WRNIP1: variants seen among roughly 807,000 people sequenced by gnomAD.
WRNIP1 encodes the protein ATPase WRNIP1.
A neutral mutation model predicts 56.1 loss-of-function variants in WRNIP1; 41 were observed. The ratio of observed to expected loss-of-function variants is 0.73; its 90% CI spans 0.57 to 0.95. WRNIP1 has a LOEUF of 0.95. Among genes scored for constraint, WRNIP1 ranks in the 40% least tolerant of loss-of-function variants. The pLI, the probability that WRNIP1 is intolerant of heterozygous loss-of-function variation, is 0.00. For missense variants in WRNIP1, 1,170 were observed against 939.4 expected, an observed-to-expected ratio of 1.25 and a Z score of -3.21; for synonymous variants, 547 against 398.1, an observed-to-expected ratio of 1.37 and a Z score of -4.45.
At chr6:2,776,573 A>C (rs768639321) in intron 3 of WRNIP1, among the ~76,000 whole-genome samples, 21 of 152,244 alleles carry the variant, frequency 1.4e-4, no homozygotes, top group Non-Finnish European at 2.1e-4. Flanking sequence ...AGCCAAAGGA[A>C]GACCTTATTT....
At chr6:2,767,019 C>A (rs1478800885) in intron 1 of WRNIP1, among the ~76,000 whole-genome samples, 3 of 152,120 alleles carry the variant, frequency 2.0e-5, no homozygotes, top group African/African-American at 7.2e-5. Flanking sequence ...CATGTATTTA[C>A]AAAACTAACA....
chr6:2,774,683 C>G (rs1178004094), intron 3 of WRNIP1, among the ~76,000 whole-genome samples: 1 of 152,208 alleles, frequency 6.6e-6, no homozygotes. Flanking sequence ...CCACTACAGA[C>G]CCCTACCAAG....
At chr6:2,784,045 T>G (rs1416592453) in intron 5 of WRNIP1, among the ~76,000 whole-genome samples, 1 of 152,232 alleles carries the variant, frequency 6.6e-6, no homozygotes, top group Non-Finnish European at 1.5e-5. Flanking sequence ...CTCCATAGCC[T>G]TCACTTCTTA....
At chr6:2,776,246 G>C (rs555639602) in intron 3 of WRNIP1, among the ~76,000 whole-genome samples, 27 of 152,224 alleles carry the variant, frequency 1.8e-4, no homozygotes, top group African/African-American at 5.3e-4. Context: ...AAGATATATT[G>C]GGTGTTTAAG....
At position 2,785,206 on chromosome 6, in the gene WRNIP1, A is replaced by G. The variant is rs1021962756; in HGVS notation, c.1922A>G (p.Tyr641Cys). Residue 641 changes from tyrosine (Y) to cysteine (C), a missense_variant, in exon 7 of 7, where the codon TAC becomes TGC. By Grantham distance (194) the Tyr-to-Cys change is radical. Coordinates refer to ENST00000380773, the MANE Select transcript of WRNIP1 (RefSeq NM_020135.3). ...AAAGGCTACAAGTACAACCCCATGT[A>G]CAGCGAGCCTGTGGATCAGGAGTAC... ...YGKGYKYNPM[Y>C]SEPVDQEYLP... is the part of the protein sequence containing the mutation. 3 of 1,614,214 alleles carry G rather than the reference A, an allele frequency of 1.9e-6. No homozygotes were observed. Among genetic ancestry groups the G allele is most frequent in the Non-Finnish European group, 2.5e-6 (3 of 1,180,040 alleles).
At chr6:2,778,321 A>AT (rs1337452717) in intron 3 of WRNIP1, among the ~76,000 whole-genome samples, 1 of 152,098 alleles carries the variant, frequency 6.6e-6, no homozygotes, top group Non-Finnish European at 1.5e-5. Flanking sequence ...GAAAAATTTT[A>AT]TTTTTTTGCT....
intron 3 of WRNIP1, chr6:2,772,851 T>A (rs1581136267): frequency 9.7e-6 from 6 of 619,064 alleles, no homozygotes; most frequent in Non-Finnish European, 1.2e-5. Context: ...TCTATATACA[T>A]CCTTGTGCAT....
In WRNIP1 at chr6:2,766,435, C is replaced by G. The variant is rs762720674; in HGVS notation, c.813C>G (p.Gly271=). 13 of 1,563,698 alleles carry G rather than the reference C, an allele frequency of 8.3e-6. No homozygotes were observed. The highest frequency in any genetic ancestry group is 3.4e-4 in the Middle Eastern group (2 of 5,914). ...IPSLILWGPP[G]CGKTTLAHII... is the part of the protein sequence containing the mutation. ...CGCTTATCCTGTGGGGGCCGCCGGG[C>G]TGCGGCAAGGTGAGTGCGGCCTTGG... Residue 271 remains glycine (G), a synonymous_variant, in exon 1 of 7, where the codon GGC becomes GGG. Coordinates refer to ENST00000380773, the MANE Select transcript of WRNIP1 (RefSeq NM_020135.3).
At chr6:2,779,575 G>C in intron 4 of WRNIP1, 83 bp downstream of exon 4, 8 of 1,403,746 alleles carry the variant, frequency 5.7e-6, no homozygotes, top group Non-Finnish European at 7.8e-6. Context: ...GCCTGACTGG[G>C]TTCCGGAAGC....
chr6:2,770,061 G>C, intron 2 of WRNIP1, 59 bp from the exon 3 acceptor site: 1 of 1,606,400 alleles, frequency 6.2e-7, no homozygotes, highest in South Asian at 1.1e-5. Flanking sequence ...AACTTACATA[G>C]GATTCTGCAG....
chr6:2,779,182 AAGTATGAGTTT>A, intron 3 of WRNIP1, 70 bp from the exon 4 acceptor site: 1 of 1,415,556 alleles, frequency 7.1e-7, no homozygotes, highest in Non-Finnish European at 9.9e-7. Flanking sequence ...CCTTGCTGAG[AAGTATGAGTTT>A]CTAAGACATG....
In WRNIP1 at chr6:2,783,574, G is replaced by C; in HGVS notation, c.1642+13G>C. 1 of 1,581,360 alleles carries C rather than the reference G, an allele frequency of 6.3e-7. No individual in the cohort carries two copies. ...AGCGAGGACATAGGTGAGTGTGATG[G>C]GAGGGTCCCGGAGTCCTATGTCCAT... On this transcript the variant is annotated intron_variant, in intron 5 of 6. Transcript: ENST00000380773.
In WRNIP1 at chr6:2,786,751, G is replaced by A. The variant is rs565660832; in HGVS notation, c.*1469G>A. On this transcript the variant is annotated 3_prime_UTR_variant, in exon 7 of 7. Coordinates refer to ENST00000380773, the MANE Select transcript of WRNIP1 (RefSeq NM_020135.3). The stretch of plus-strand genomic sequence containing the variant: ...TTGTCAAGTTTGAAGGCATCCTGAT[G>A]TGTGTGGTCTTTTGTTTGTAACCTC... 2 of 152,330 alleles carry A rather than the reference G, an allele frequency of 1.3e-5. No individual in the cohort carries two copies. The highest frequency in any genetic ancestry group is 4.8e-5 in the African/African-American group (2 of 41,584). The allele number at this position is 152,330 out of a possible 1,614,324, so 9.4% of individuals were successfully genotyped here. A position where few individuals can be genotyped will look rare whatever the true frequency, so the allele number is the denominator to read the frequency against.
In WRNIP1 at chr6:2,771,915, C is replaced by T. The variant is rs538699973; in HGVS notation, c.1256+1554C>T. On this transcript the variant is annotated intron_variant, in intron 3 of 6. Transcript: ENST00000380773. ...ACTGGTTATCGTAATGTATCTGCAA[C>T]TTAATATTCTGCATGTGTACTTGTC... Among the ~76,000 whole-genome samples the T allele has an allele frequency of 3.3e-5, 5 of 152,300 alleles. No homozygotes were observed. The South Asian group carries it at 6.2e-4, about 19-fold the overall frequency.
chr6:2,774,324 A>G (rs1765383366), intron 3 of WRNIP1: 1 of 969,614 alleles, frequency 1.0e-6, no homozygotes, highest in Non-Finnish European at 1.2e-6. Context: ...CTCAGAACAC[A>G]GAGCTTTATC....
intron 2 of WRNIP1, 126 bp from the exon 3 acceptor site, chr6:2,769,994 T>G (rs1765205523): frequency 1.5e-6 from 2 of 1,354,136 alleles, no homozygotes. Context: ...AATATAAGGC[T>G]GCTGCTATTC....
At chr6:2,774,161 T>C in intron 3 of WRNIP1, 1 of 985,184 alleles carries the variant, frequency 1.0e-6, no homozygotes, top group Non-Finnish European at 1.2e-6. Flanking sequence ...AAAAATTTTT[T>C]AAGTACATTA....
At chr6:2,780,143 G>A (rs889110358) in intron 4 of WRNIP1, among the ~76,000 whole-genome samples, 1 of 152,208 alleles carries the variant, frequency 6.6e-6, no homozygotes, top group Non-Finnish European at 1.5e-5. Flanking sequence ...AGAAGTGGGA[G>A]ATGAATATAA....
In WRNIP1 at chr6:2,783,404, A is replaced by G; in HGVS notation, c.1487-2A>G. The G allele has an allele frequency of 6.3e-7, 1 of 1,584,578 alleles. No homozygotes were observed. Among genetic ancestry groups the G allele is most frequent in the Non-Finnish European group, 8.6e-7 (1 of 1,161,318 alleles). On this transcript the variant is annotated splice_acceptor_variant, in intron 4 of 6. Coordinates refer to ENST00000380773, the MANE Select transcript of WRNIP1 (RefSeq NM_020135.3). LOFTEE classifies it high-confidence loss of function. ...TGTGAGTGGTGCTCTTTGTGATGTC[A>G]GGTGAGGAGCATTACAACTGCATCT...
Sources: gnomAD v4.1 joint callset for allele counts (sites outside exome capture counted in the v4.1 genomes callset) on GRCh38, gnomAD v4.1.1 for gene constraint, MANE v1.5 for transcripts, NCBI Gene and HGNC (gene_info 2026-07-23, HGNC 2026-07-21) for gene names.